ASB3: variants seen among roughly 807,000 people sequenced by gnomAD.
The protein encoded by ASB3 is ankyrin repeat and SOCS box protein 3.
In ASB3, 41 loss-of-function variants were observed where a neutral mutation model predicts 54.5. The observed-to-expected ratio is 0.75, with a 90% CI of 0.59 to 0.98. ASB3 has a LOEUF of 0.98. ASB3 is among the 50% of genes least tolerant of loss of function. The probability of loss-of-function intolerance (pLI) is 0.00; values close to 1 mark genes in which losing one functional copy is unlikely to be tolerated. For missense variants in ASB3, 733 were observed against 620.0 expected, an observed-to-expected ratio of 1.18 and a Z score of -1.94; for synonymous variants, 266 against 221.2, an observed-to-expected ratio of 1.20 and a Z score of -1.80.
At chr2:53,708,102 T>A (rs1205265646) in intron 7 of ASB3, among the ~76,000 whole-genome samples, 2 of 152,034 alleles carry the variant, frequency 1.3e-5, no homozygotes, top group Non-Finnish European at 2.9e-5. Context: ...TAATCCCCAG[T>A]GTTGAAGGTG....
chr2:53,742,335 T>C (rs1671975769), intron 3 of ASB3, among the ~76,000 whole-genome samples: 1 of 152,036 alleles, frequency 6.6e-6, no homozygotes, highest in South Asian at 2.1e-4. Context: ...GAGCAAAAAC[T>C]CACATATTCC....
intron 3 of ASB3, among the ~76,000 whole-genome samples, chr2:53,740,742 C>G (rs1011075052): frequency 6.6e-6 from 1 of 152,146 alleles, no homozygotes; most frequent in Admixed American, 6.5e-5. Context: ...CACGTTATCA[C>G]TGACATTTCT....
At chr2:53,781,130 C>T (rs562193880) in intron 1 of ASB3, among the ~76,000 whole-genome samples, 5 of 152,012 alleles carry the variant, frequency 3.3e-5, no homozygotes, top group African/African-American at 2.4e-5. Context: ...AAAAGGAAGC[C>T]GGGCAAGTGG....
intron 3 of ASB3, among the ~76,000 whole-genome samples, chr2:53,743,104 T>C (rs1430239891): frequency 1.3e-5 from 2 of 152,014 alleles, no homozygotes; most frequent in Non-Finnish European, 2.9e-5. Context: ...ATTTTGTACC[T>C]GATCAAACTG....
At chr2:53,680,271 T>G (rs1572830795) in intron 9 of ASB3, among the ~76,000 whole-genome samples, 1 of 152,236 alleles carries the variant, frequency 6.6e-6, no homozygotes, top group East Asian at 1.9e-4. Flanking sequence ...GTTATGGGAT[T>G]GCTGGATCGA....
intron 9 of ASB3, among the ~76,000 whole-genome samples, chr2:53,674,757 G>A (rs565076111): frequency 2.0e-5 from 3 of 151,894 alleles, no homozygotes; most frequent in African/African-American, 7.2e-5. Context: ...CTTTCTCGTT[G>A]GTATCCATCC....
intron 7 of ASB3, among the ~76,000 whole-genome samples, chr2:53,712,524 T>C (rs1341876413): frequency 6.6e-6 from 1 of 152,218 alleles, no homozygotes; most frequent in Admixed American, 6.5e-5. Context: ...ATTTCATTTA[T>C]CCGAATCTAC....
chr2:53,701,883 T>C (rs1669513561), intron 7 of ASB3, among the ~76,000 whole-genome samples: 1 of 152,228 alleles, frequency 6.6e-6, no homozygotes, highest in Non-Finnish European at 1.5e-5. Flanking sequence ...ATAAGTTCTA[T>C]CCTATGTTTC....
chr2:53,680,089 G>A (rs1272593714), intron 9 of ASB3, among the ~76,000 whole-genome samples: 1 of 152,042 alleles, frequency 6.6e-6, no homozygotes, highest in Non-Finnish European at 1.5e-5. Flanking sequence ...TTTTTTTATG[G>A]CTGCATTCTA....
rs146541701 is a variant in ASB3 at position 53,682,959 on chromosome 2, C to T, written c.1369+10925G>A. On this transcript the variant is annotated intron_variant, in intron 9 of 9. Coordinates refer to ENST00000263634, the MANE Select transcript of ASB3 (RefSeq NM_016115.5). Reference sequence around the variant, plus strand: ...GACTTCTTCCATTCCAACTTGGATGCCCTTTCTTTCTTTCTCTTGTCTGAC... The same window carrying T: ...GACTTCTTCCATTCCAACTTGGATGTCCTTTCTTTCTTTCTCTTGTCTGAC... Among the ~76,000 whole-genome samples, 533 of 152,280 alleles carry T rather than the reference C, an allele frequency of 3.5e-3. 2 individuals are homozygous for T. Among genetic ancestry groups the T allele is most frequent in the African/African-American group, 0.012 (491 of 41,552 alleles).
intron 1 of ASB3, among the ~76,000 whole-genome samples, chr2:53,773,794 G>A (rs1674122511): frequency 6.6e-6 from 1 of 151,880 alleles, no homozygotes; most frequent in East Asian, 2.0e-4. Flanking sequence ...CAGCACACTG[G>A]GAGGCCGAGG....
intron 2 of ASB3, chr2:53,763,492 T>C (rs907561079): frequency 5.9e-6 from 1 of 169,304 alleles, no homozygotes; most frequent in East Asian, 1.9e-4. Context: ...CTTTTGTATG[T>C]GTGTATAGGA....
At chr2:53,675,517 C>T (rs1668038345) in intron 9 of ASB3, among the ~76,000 whole-genome samples, 2 of 152,050 alleles carry the variant, frequency 1.3e-5, no homozygotes, top group South Asian at 4.1e-4. Context: ...CCAGTTTATT[C>T]TGATACATGG....
At chr2:53,698,825 T>C (rs1001726200) in intron 8 of ASB3, among the ~76,000 whole-genome samples, 1 of 152,208 alleles carries the variant, frequency 6.6e-6, no homozygotes, top group Non-Finnish European at 1.5e-5. Context: ...CTCACCAGAA[T>C]CACCCTTAAC....
intron 9 of ASB3, among the ~76,000 whole-genome samples, chr2:53,678,777 A>G (rs1668216673): frequency 6.6e-6 from 1 of 152,188 alleles, no homozygotes; most frequent in Non-Finnish European, 1.5e-5. Context: ...TCCTCACAAA[A>G]GCCTGATTCT....
chr2:53,686,962 C>T (rs569178847), intron 9 of ASB3, among the ~76,000 whole-genome samples: 1 of 152,164 alleles, frequency 6.6e-6, no homozygotes, highest in Non-Finnish European at 1.5e-5. Context: ...TCAGGTGATC[C>T]GCCTGCCTTG....
At chr2:53,778,578 C>T (rs1674480600) in intron 1 of ASB3, among the ~76,000 whole-genome samples, 1 of 152,170 alleles carries the variant, frequency 6.6e-6, no homozygotes, top group Admixed American at 6.5e-5. Flanking sequence ...CACTGTTCTA[C>T]TCTCTGCTTC....
At chr2:53,685,904 T>G (rs530933354) in intron 9 of ASB3, among the ~76,000 whole-genome samples, 5 of 152,310 alleles carry the variant, frequency 3.3e-5, no homozygotes, top group African/African-American at 1.2e-4. Flanking sequence ...CTCCAATAGA[T>G]ACAAATGATC....
At chr2:53,703,447 T>A (rs1669600233) in intron 7 of ASB3, among the ~76,000 whole-genome samples, 1 of 152,112 alleles carries the variant, frequency 6.6e-6, no homozygotes, top group Non-Finnish European at 1.5e-5. Context: ...TTGAATTAGC[T>A]GAAAAAATAA....
Sources: gnomAD v4.1 joint callset for allele counts (sites outside exome capture counted in the v4.1 genomes callset) on GRCh38, gnomAD v4.1.1 for gene constraint, MANE v1.5 for transcripts, NCBI Gene and HGNC (gene_info 2026-07-23, HGNC 2026-07-21) for gene names.